Variants in FBXL7 observed in about 807,000 individuals in gnomAD.
FBXL7 encodes the protein F-box and leucine rich repeat protein 7, also known as F-box/LRR-repeat protein 7.
A neutral mutation model predicts 38.3 loss-of-function variants in FBXL7; 12 were observed. The observed-to-expected ratio is 0.31, with a 90% CI of 0.20 to 0.51. The LOEUF is 0.51. FBXL7 is among the 20% of genes least tolerant of loss of function. FBXL7 has a pLI of 0.98. For missense variants in FBXL7, 567 were observed against 676.4 expected (o/e 0.84, Z 1.79); for synonymous variants, 297 against 300.9 (o/e 0.99, Z 0.13).
In FBXL7 at chr5:15,733,179, C is replaced by T. The variant is rs1440100847; in HGVS notation, c.127+117107C>T. On this transcript the variant is annotated intron_variant, in intron 2 of 3. Coordinates refer to ENST00000504595, the MANE Select transcript of FBXL7 (RefSeq NM_012304.5). Reference sequence around the variant, plus strand: ...CGCTATCTCGGCTCACTGCAACCTCCGCCTCTCGGGTTCAATCAATTATCT... The same window carrying T: ...CGCTATCTCGGCTCACTGCAACCTCTGCCTCTCGGGTTCAATCAATTATCT... 4.6e-5 allele frequency among the ~76,000 whole-genome samples: 7 copies of T among 152,074 alleles called. No homozygotes were observed. In the East Asian group the frequency reaches 7.7e-4, roughly 17 times the overall value.
At chr5:15,843,979 C>T (rs1420403472) in intron 2 of FBXL7, among the ~76,000 whole-genome samples, 1 of 151,830 alleles carries the variant, frequency 6.6e-6, no homozygotes, top group Non-Finnish European at 1.5e-5. Context: ...AGCTTAGTAA[C>T]TACATCTCTA....
At chr5:15,511,812 C>A (rs1736804641) in intron 1 of FBXL7, among the ~76,000 whole-genome samples, 2 of 152,166 alleles carry the variant, frequency 1.3e-5, no homozygotes. Context: ...ACTTTTGCAG[C>A]TGTATTAGGA....
At chr5:15,653,872 G>C (rs1297914907) in intron 2 of FBXL7, among the ~76,000 whole-genome samples, 1 of 152,178 alleles carries the variant, frequency 6.6e-6, no homozygotes, top group Non-Finnish European at 1.5e-5. Context: ...GTAAAGACAT[G>C]CACCTTCAGT....
chr5:15,828,887 T>C (rs746707353), intron 2 of FBXL7, among the ~76,000 whole-genome samples: 1 of 152,224 alleles, frequency 6.6e-6, no homozygotes, highest in Non-Finnish European at 1.5e-5. Context: ...TCAGTGGATC[T>C]GAGAAACAGA....
intron 1 of FBXL7, among the ~76,000 whole-genome samples, chr5:15,517,511 C>T (rs1370166420): frequency 6.6e-6 from 1 of 152,058 alleles, no homozygotes; most frequent in Admixed American, 6.6e-5. Flanking sequence ...AACATGAGGT[C>T]AGACAAGGAG....
intron 2 of FBXL7, among the ~76,000 whole-genome samples, chr5:15,655,071 A>C (rs1386210713): frequency 6.6e-6 from 1 of 152,238 alleles, no homozygotes; most frequent in Non-Finnish European, 1.5e-5. Context: ...TGGTATGGCC[A>C]TATTAAGATA....
At chr5:15,918,575 A>G (rs1011386066) in intron 2 of FBXL7, among the ~76,000 whole-genome samples, 1 of 152,226 alleles carries the variant, frequency 6.6e-6, no homozygotes, top group Admixed American at 6.5e-5. Flanking sequence ...AACAAAACCC[A>G]CGCTTAGTTC....
intron 2 of FBXL7, among the ~76,000 whole-genome samples, chr5:15,824,114 G>T (rs977513584): frequency 7.9e-5 from 12 of 151,474 alleles, no homozygotes; most frequent in African/African-American, 2.9e-4. Flanking sequence ...TGACCAACAT[G>T]GTGAAACCCC....
chr5:15,546,739 A>G (rs1737907864), intron 1 of FBXL7, among the ~76,000 whole-genome samples: 1 of 152,174 alleles, frequency 6.6e-6, no homozygotes, highest in Admixed American at 6.6e-5. Context: ...TCAAAAACAA[A>G]ACAAAAAAAA....
chr5:15,530,804 A>G lies in FBXL7; in HGVS notation c.37+30091A>G, dbSNP rs373039338. Among the ~76,000 whole-genome samples, 9 of 152,326 alleles carry G rather than the reference A, an allele frequency of 5.9e-5. 1 individual carries two copies. Among genetic ancestry groups the G allele is most frequent in the African/African-American group, 1.7e-4 (7 of 41,584 alleles). ...ATGTACAAAGTATTGGCAACCAGGAAAACAACCCATGCTTTGGGGCCAGCT... is the reference window on the plus strand; with the variant it reads ...ATGTACAAAGTATTGGCAACCAGGAGAACAACCCATGCTTTGGGGCCAGCT... On this transcript the variant is annotated intron_variant, in intron 1 of 3. Transcript: ENST00000504595.
At chr5:15,875,354 A>C (rs1000668885) in intron 2 of FBXL7, among the ~76,000 whole-genome samples, 17 of 152,212 alleles carry the variant, frequency 1.1e-4, no homozygotes, top group African/African-American at 3.9e-4. Context: ...CAAAGACTTC[A>C]TGACTAAAAC....
chr5:15,693,103 G>A (rs1002356100), intron 2 of FBXL7, among the ~76,000 whole-genome samples: 13 of 152,186 alleles, frequency 8.5e-5, no homozygotes, highest in Admixed American at 7.9e-4. Context: ...GAGGAACGAT[G>A]TGGTCTACAT....
chr5:15,685,312 A>T (rs1742983829), intron 2 of FBXL7, among the ~76,000 whole-genome samples: 2 of 152,202 alleles, frequency 1.3e-5, no homozygotes, highest in Non-Finnish European at 2.9e-5. Context: ...ATGCTTTTCG[A>T]ATACAGGATT....
In FBXL7 at chr5:15,938,128, CTT is replaced by C. The variant is rs1319176011; in HGVS notation, c.*945_*946del. On this transcript the variant is annotated 3_prime_UTR_variant, in exon 4 of 4. Coordinates refer to ENST00000504595, the MANE Select transcript of FBXL7 (RefSeq NM_012304.5). Reference sequence around the variant, plus strand: ...TTCCTCTCCCACCTCCTCACATCCTCTTTTGCCAGGCTGGATGCTGTCGTCTC... The same window carrying C: ...TTCCTCTCCCACCTCCTCACATCCTCTTGCCAGGCTGGATGCTGTCGTCTC... 6.6e-6 allele frequency: 1 copy of C among 152,252 alleles called. No homozygotes were observed. The highest frequency in any genetic ancestry group is 1.5e-5 in the Non-Finnish European group (1 of 68,072). The allele number at this position is 152,252 out of a possible 1,614,324, so 9.4% of individuals were successfully genotyped here. A position where few individuals can be genotyped will look rare whatever the true frequency, so the allele number is the denominator to read the frequency against.
chr5:15,741,945 A>C (rs1284961949), intron 2 of FBXL7, among the ~76,000 whole-genome samples: 3 of 152,154 alleles, frequency 2.0e-5, no homozygotes, highest in African/African-American at 7.2e-5. Context: ...TTACTGTTAG[A>C]TTGGAGTAAA....
At chr5:15,735,618 T>C (rs1326703940) in intron 2 of FBXL7, among the ~76,000 whole-genome samples, 1 of 152,220 alleles carries the variant, frequency 6.6e-6, no homozygotes, top group African/African-American at 2.4e-5. Context: ...AAGCCTTGAT[T>C]TCCACAGCTA....
chr5:15,886,253 CTG>C (rs1405005574), intron 2 of FBXL7, among the ~76,000 whole-genome samples: 2 of 151,166 alleles, frequency 1.3e-5, no homozygotes, highest in East Asian at 3.9e-4. Context: ...ATGTGCATAC[CTG>C]TGTGTGTGCA....
chr5:15,695,008 T>C (rs550488839), intron 2 of FBXL7, among the ~76,000 whole-genome samples: 33 of 152,184 alleles, frequency 2.2e-4, no homozygotes, highest in Non-Finnish European at 4.4e-4. Context: ...CATTTAAGCA[T>C]AGGCAACAGA....
intron 2 of FBXL7, among the ~76,000 whole-genome samples, chr5:15,631,321 C>T (rs1052894706): frequency 7.9e-5 from 12 of 152,138 alleles, no homozygotes; most frequent in Non-Finnish European, 1.3e-4. Flanking sequence ...CATGTGAGGA[C>T]GTCCAGGATA....
Sources: allele counts gnomAD v4.1 joint callset (sites outside exome capture counted in the v4.1 genomes callset), GRCh38; gene constraint gnomAD v4.1.1; transcripts MANE v1.5; gene names NCBI Gene and HGNC (gene_info 2026-07-23, HGNC 2026-07-21).